The following MSH3 variants were observed in gnomAD, a reference collection of about 807,000 sequenced individuals.
MSH3 encodes mutS homolog 3.
Under a neutral mutation model 123.3 loss-of-function variants are expected in MSH3, and 106 were observed. The observed-to-expected ratio is 0.86, with a 90% CI of 0.73 to 1.01. The LOEUF (loss-of-function observed/expected upper bound fraction) is 1.01, where lower values mean the gene tolerates loss of function less well. Among genes scored for constraint, MSH3 ranks in the 50% least tolerant of loss-of-function variants. The pLI is 0.00. For missense variants in MSH3, 1,459 were observed against 1,347.6 expected (o/e 1.08, Z -1.29); for synonymous variants, 515 against 481.4 (o/e 1.07, Z -0.91).
chr5:80,795,417 G>C (rs1224181864), intron 19 of MSH3, among the ~76,000 whole-genome samples: 2 of 152,150 alleles, frequency 1.3e-5, no homozygotes, highest in African/African-American at 2.4e-5. Context: ...GGTACCAGCA[G>C]ATTCAGTTTC....
rs538390343 is a variant in MSH3 at position 80,846,955 on chromosome 5, G to A, written c.2814-7175G>A. 2.6e-5 allele frequency among the ~76,000 whole-genome samples: 4 copies of A among 152,192 alleles called. 1 individual carries two copies. Among genetic ancestry groups the A allele is most frequent in the Admixed American group, 2.6e-4 (4 of 15,296 alleles). On this transcript the variant is annotated intron_variant, in intron 20 of 23. Coordinates refer to ENST00000265081, the MANE Select transcript of MSH3 (RefSeq NM_002439.5). ...CAACCAGTCCCAATGAGATAAAGCA[G>A]GTACCTCAGTTGGAAATGCAGAAAT...
At chr5:80,839,229 G>T (rs1745571595) in intron 20 of MSH3, among the ~76,000 whole-genome samples, 3 of 152,030 alleles carry the variant, frequency 2.0e-5, no homozygotes. Context: ...TTAGCCAGGT[G>T]TGGTGGCGTG....
intron 2 of MSH3, 111 bp downstream of exon 2, chr5:80,656,642 G>A (rs2112802074): frequency 6.8e-7 from 1 of 1,479,568 alleles, no homozygotes; most frequent in East Asian, 2.3e-5. Flanking sequence ...TGTGGAGAAA[G>A]GTCCCTTTTG....
chr5:80,746,349 A>G (rs965999998), intron 12 of MSH3: 12 of 381,190 alleles, frequency 3.1e-5, no homozygotes, highest in African/African-American at 2.5e-4. Flanking sequence ...ACTTCTGTTC[A>G]CACCGCTGGT....
intron 5 of MSH3, 103 bp downstream of exon 5, chr5:80,672,463 A>G (rs1749745571): frequency 2.3e-6 from 2 of 863,310 alleles, no homozygotes; most frequent in Admixed American, 1.9e-5. Flanking sequence ...TTGGTTTAGA[A>G]TTTTGCATTT....
At chr5:80,655,606 G>A (rs1422383075) in intron 1 of MSH3, 1 of 183,178 alleles carries the variant, frequency 5.5e-6, no homozygotes, top group African/African-American at 2.4e-5. Context: ...TTAAACCAGA[G>A]ATACTGCCAC....
intron 16 of MSH3, among the ~76,000 whole-genome samples, 193 bp downstream of exon 16, chr5:80,775,951 A>G (rs1211886259): frequency 2.0e-5 from 3 of 150,554 alleles, no homozygotes; most frequent in Non-Finnish European, 4.4e-5. Flanking sequence ...GTGTAGTGGT[A>G]TGATCTCAGC....
In MSH3 at chr5:80,761,608, G is replaced by A. The variant is rs1744035196; in HGVS notation, c.1826G>A (p.Gly609Asp). ...EVLHSESSVF[G>D]QIENHLRKLP... ...CTCCATTCAGAATCTAGTGTGTTTG[G>A]TCAGATAGAAAATCATCTACGTAAA... Residue 609 changes from glycine (G) to aspartate (D), a missense_variant, in exon 13 of 24, where the codon GGT becomes GAT. Gly to Asp is a moderately conservative substitution (Grantham distance 94, BLOSUM62 -1). Transcript: ENST00000265081. 1 of 1,614,078 alleles carries A rather than the reference G, an allele frequency of 6.2e-7. No individual in the cohort carries two copies. The highest frequency in any genetic ancestry group is 1.6e-4 in the Middle Eastern group (1 of 6,062).
intron 19 of MSH3, among the ~76,000 whole-genome samples, chr5:80,809,186 A>G (rs1246919387): frequency 6.6e-6 from 1 of 152,056 alleles, no homozygotes; most frequent in Non-Finnish European, 1.5e-5. Flanking sequence ...ACTTTACAAA[A>G]TGCACGTAAG....
intron 4 of MSH3, among the ~76,000 whole-genome samples, chr5:80,671,443 A>G (rs1628627): frequency 6.6e-6 from 1 of 152,008 alleles, no homozygotes; most frequent in Non-Finnish European, 1.5e-5. Flanking sequence ...TGCATTATGC[A>G]ATGTTCTGTG....
chr5:80,793,062 T>C (rs1363987335), intron 19 of MSH3, among the ~76,000 whole-genome samples: 1 of 152,258 alleles, frequency 6.6e-6, no homozygotes, highest in Admixed American at 6.5e-5. Context: ...TAGTTCTAAT[T>C]AGTTATCCTA....
In MSH3 at chr5:80,846,906, C is replaced by T. The variant is rs367803040; in HGVS notation, c.2814-7224C>T. Among the ~76,000 whole-genome samples the T allele has an allele frequency of 6.6e-5, 10 of 152,246 alleles. 1 individual carries two copies. The highest frequency in any genetic ancestry group is 1.9e-4 in the African/African-American group (8 of 41,562). ...AACGCCCTGCCCTGTTTCAGCTCAC[C>T]GTCCATAGGCTGCACCCACTGTCCA... On this transcript the variant is annotated intron_variant, in intron 20 of 23. Transcript: ENST00000265081.
intron 8 of MSH3, among the ~76,000 whole-genome samples, chr5:80,694,514 C>T (rs1014658768): frequency 5.9e-5 from 9 of 152,070 alleles, no homozygotes; most frequent in African/African-American, 2.2e-4. Context: ...TTTCCTTGAA[C>T]CATCACACAT....
intron 20 of MSH3, among the ~76,000 whole-genome samples, chr5:80,848,287 C>T (rs1307723865): frequency 6.6e-6 from 1 of 152,126 alleles, no homozygotes; most frequent in Non-Finnish European, 1.5e-5. Context: ...TTTAATTTCA[C>T]CCATACAGTA....
At chr5:80,747,213 C>G (rs1436135126) in intron 12 of MSH3, among the ~76,000 whole-genome samples, 4 of 152,174 alleles carry the variant, frequency 2.6e-5, no homozygotes, top group African/African-American at 9.7e-5. Context: ...CATGTTACAG[C>G]AGAAACAGAC....
chr5:80,804,959 G>C (rs764721388), intron 19 of MSH3, among the ~76,000 whole-genome samples: 1 of 152,166 alleles, frequency 6.6e-6, no homozygotes, highest in African/African-American at 2.4e-5. Flanking sequence ...TTCTTTGTTA[G>C]CCTTCAACAA....
intron 12 of MSH3, among the ~76,000 whole-genome samples, chr5:80,757,423 A>G (rs986988646): frequency 1.6e-4 from 25 of 152,282 alleles, no homozygotes; most frequent in Admixed American, 1.5e-3. Context: ...GACAATAGCT[A>G]TAGGTCACAC....
At position 80,804,596 on chromosome 5, in the gene MSH3, A is replaced by G. The variant is rs186830167; in HGVS notation, c.2656-8988A>G. Among the ~76,000 whole-genome samples, 3 of 152,094 alleles carry G rather than the reference A, an allele frequency of 2.0e-5. No homozygotes were observed. In the East Asian group the frequency reaches 5.8e-4, roughly 29 times the overall value. On this transcript the variant is annotated intron_variant, in intron 19 of 23. Transcript: ENST00000265081. The stretch of plus-strand genomic sequence containing the variant: ...AAATTCCCTGGATTTCTAGGCAGAG[A>G]CTCTTGTTGTCCTCCTTTACTTTCC...
intron 19 of MSH3, among the ~76,000 whole-genome samples, chr5:80,806,343 C>T (rs545607108): frequency 2.0e-4 from 31 of 152,272 alleles, no homozygotes; most frequent in Non-Finnish European, 4.0e-4. Context: ...ATGATCTGCC[C>T]GCCTCGGCCT....
Sources: gnomAD v4.1 joint callset for allele counts (sites outside exome capture counted in the v4.1 genomes callset) on GRCh38, gnomAD v4.1.1 for gene constraint, MANE v1.5 for transcripts, NCBI Gene and HGNC (gene_info 2026-07-23, HGNC 2026-07-21) for gene names.